The following WDFY4 variants were observed in gnomAD, a reference collection of about 807,000 sequenced individuals.
The protein encoded by WDFY4 is WD repeat- and FYVE domain-containing protein 4.
WDFY4 carries 169 observed loss-of-function variants against 351.9 expected under a neutral mutation model. That is an observed-to-expected ratio of 0.48 (90% CI 0.42 to 0.55). WDFY4 has a LOEUF of 0.55. Ranked by LOEUF, WDFY4 falls within the 20% of genes least tolerant of loss-of-function variation. The pLI, the probability that WDFY4 is intolerant of heterozygous loss-of-function variation, is 0.00. For synonymous variants in WDFY4, 1,622 were observed against 1,574.6 expected, an observed-to-expected ratio of 1.03 and a Z score of -0.71; for missense variants, 3,803 against 3,935.6, an observed-to-expected ratio of 0.97 and a Z score of 0.90.
chr10:48,787,887 T>TCTTCTC (rs1284006010), intron 20 of WDFY4, among the ~76,000 whole-genome samples: 2 of 78,734 alleles, frequency 2.5e-5, no homozygotes, highest in Non-Finnish European at 4.5e-5. Flanking sequence ...TCTTTCTTCT[T>TCTTCTC]CTTCTCCTTC....
At chr10:48,763,920 G>T (rs988205397) in intron 13 of WDFY4, among the ~76,000 whole-genome samples, 13 of 152,208 alleles carry the variant, frequency 8.5e-5, no homozygotes, top group African/African-American at 3.1e-4. Flanking sequence ...AATCAAATGA[G>T]AAATGAGACC....
chr10:48,772,978 G>C (rs2065917633), intron 13 of WDFY4, among the ~76,000 whole-genome samples: 1 of 151,584 alleles, frequency 6.6e-6, no homozygotes, highest in Non-Finnish European at 1.5e-5. Flanking sequence ...CCAAGTCTTT[G>C]CTATTGTGAA....
At chr10:48,733,190 T>A (rs2064527368) in intron 9 of WDFY4, among the ~76,000 whole-genome samples, 1 of 152,194 alleles carries the variant, frequency 6.6e-6, no homozygotes, top group Non-Finnish European at 1.5e-5. Flanking sequence ...CTAGGAGAAA[T>A]TAAACTTTTT....
chr10:48,914,874 TG>T (rs1204443550), intron 47 of WDFY4, among the ~76,000 whole-genome samples: 3 of 152,096 alleles, frequency 2.0e-5, no homozygotes, highest in African/African-American at 7.2e-5. Flanking sequence ...CACAGGGGGA[TG>T]GGGGGTGCGG....
intron 12 of WDFY4, among the ~76,000 whole-genome samples, chr10:48,759,372 C>T (rs530852453): frequency 2.6e-5 from 4 of 152,278 alleles, no homozygotes; most frequent in South Asian, 2.1e-4. Context: ...CTAGAATTGG[C>T]GCTTTTGTTT....
In WDFY4 at chr10:48,734,523, C is replaced by CATATATAT. The variant is rs10653287; in HGVS notation, c.1687+502_1687+509dup. On this transcript the variant is annotated intron_variant, in intron 10 of 61. Transcript: ENST00000325239. ...TTCTGGGTTTTAAAAATAATATGTG[C>CATATATAT]ATATATATATATATATATATAATGA... 6.9e-3 allele frequency among the ~76,000 whole-genome samples: 1,003 copies of CATATATAT among 144,976 alleles called. 11 individuals carry two copies. Among genetic ancestry groups the CATATATAT allele is most frequent in the African/African-American group, 0.02 (787 of 39,384 alleles).
Position 48,776,808 on chromosome 10 carries a change from G to T in WDFY4, c.2922G>T (p.Gly974=). 2 of 1,551,500 alleles carry T rather than the reference G, an allele frequency of 1.3e-6. No individual in the cohort carries two copies. Among genetic ancestry groups the T allele is most frequent in the Non-Finnish European group, 1.7e-6 (2 of 1,147,014 alleles). Residue 974 remains glycine (G), a synonymous_variant, in exon 16 of 62, where the codon GGG becomes GGT. Coordinates refer to ENST00000325239, the MANE Select transcript of WDFY4 (RefSeq NM_001394531.1). ...EGPWPAAPDA[G]LHPGVTQAPQ... ...CCTGGCCAGCTGCCCCAGATGCTGG[G>T]CTGCACCCTGGAGTCACACAGGCCC...
chr10:48,927,222 C>A (rs928878303), intron 47 of WDFY4, among the ~76,000 whole-genome samples: 1 of 152,150 alleles, frequency 6.6e-6, no homozygotes, highest in African/African-American at 2.4e-5. Context: ...GATGCCTCCC[C>A]CGAACCCTCC....
intron 1 of WDFY4, among the ~76,000 whole-genome samples, chr10:48,704,460 T>C (rs1184321723): frequency 6.6e-6 from 1 of 151,894 alleles, no homozygotes; most frequent in East Asian, 1.9e-4. Context: ...GTCTTGTCTT[T>C]TCCTGGAGGC....
chr10:48,789,820 A>T, intron 21 of WDFY4, 54 bp from the exon 22 acceptor site: 1 of 1,529,570 alleles, frequency 6.5e-7, no homozygotes, highest in Non-Finnish European at 8.9e-7. Flanking sequence ...CTCGTGGACA[A>T]TGCTTCTTCT....
At chr10:48,700,993 C>A (rs560588743) in intron 1 of WDFY4, among the ~76,000 whole-genome samples, 1 of 152,216 alleles carries the variant, frequency 6.6e-6, no homozygotes, top group Admixed American at 6.5e-5. Context: ...AGTATATTCA[C>A]GTTGTTGTAC....
intron 1 of WDFY4, among the ~76,000 whole-genome samples, chr10:48,701,878 G>A (rs927806154): frequency 6.6e-6 from 1 of 152,114 alleles, no homozygotes; most frequent in African/African-American, 2.4e-5. Context: ...GAGCTCTCAG[G>A]GAGGGAAGTC....
In WDFY4 at chr10:48,774,577, C is replaced by T; in HGVS notation, c.2673C>T (p.His891=). 1.3e-6 allele frequency: 2 copies of T among 1,551,628 alleles called. No homozygotes were observed. Among genetic ancestry groups the T allele is most frequent in the South Asian group, 1.2e-5 (1 of 84,038 alleles). Residue 891 remains histidine (H), a synonymous_variant, in exon 14 of 62, where the codon CAC becomes CAT. Transcript: ENST00000325239. ...TTGGGACCCTCATGGCCTCCTGCCACAGGGCCCTGGTCACCAGTGGCAGCC... is the reference window on the plus strand; with the variant it reads ...TTGGGACCCTCATGGCCTCCTGCCATAGGGCCCTGGTCACCAGTGGCAGCC... ...GLLGTLMASC[H]RALVTSGSPL...
chr10:48,885,509 G>A (rs1010429965), intron 43 of WDFY4, among the ~76,000 whole-genome samples: 2 of 152,146 alleles, frequency 1.3e-5, no homozygotes, highest in Non-Finnish European at 2.9e-5. Context: ...TCTTCTCCAT[G>A]TCTGCAGAGA....
chr10:48,959,894 G>A, intron 53 of WDFY4, 81 bp downstream of exon 53: 5 of 1,323,070 alleles, frequency 3.8e-6, no homozygotes, highest in Middle Eastern at 2.5e-4. Flanking sequence ...CTGTCCAAGT[G>A]GAGGGCCAGT....
intron 12 of WDFY4, among the ~76,000 whole-genome samples, chr10:48,758,416 G>C (rs917395512): frequency 6.6e-6 from 1 of 151,960 alleles, no homozygotes; most frequent in Admixed American, 6.6e-5. Flanking sequence ...ATTTTATTTG[G>C]GTTTTGCTAA....
chr10:48,959,809 G>T lies in WDFY4; in HGVS notation c.8219G>T (p.Arg2740Ile), dbSNP rs762366232. 1.9e-6 allele frequency: 3 copies of T among 1,549,588 alleles called. No homozygotes were observed. Among genetic ancestry groups the T allele is most frequent in the Non-Finnish European group, 2.6e-6 (3 of 1,145,706 alleles). The change falls in exon 53 of 62, where the codon AGA becomes ATA. Residue 2740 changes from arginine to isoleucine, a missense_variant. Transcript: ENST00000325239. ...CCTCGGAAATTCATCAGCCTGCACA[G>T]AAAGGTGAGTCAGGCCAGGACCCCT... Reference protein sequence around the residue: ...GDPRKFISLHRKALESDFVSA... With the variant: ...GDPRKFISLHIKALESDFVSA...
At position 48,796,359 on chromosome 10, in the gene WDFY4, T is replaced by C; in HGVS notation, c.4319T>C (p.Ile1440Thr). 6.4e-7 allele frequency: 1 copy of C among 1,552,362 alleles called. No individual in the cohort carries two copies. Among genetic ancestry groups the C allele is most frequent in the Non-Finnish European group, 8.7e-7 (1 of 1,147,122 alleles). The change falls in exon 24 of 62, where the codon ATC (isoleucine) becomes ACC (threonine). Residue 1440 changes from isoleucine to threonine, a missense_variant. Physicochemically the swap from Ile to Thr is moderately conservative, Grantham distance 89. Around this residue, in one of 3 missense-constraint regions of WDFY4, gnomAD observed 3,054 missense variants for 3,148.6 expected, o/e 0.97. Coordinates refer to ENST00000325239, the MANE Select transcript of WDFY4 (RefSeq NM_001394531.1). Reference sequence around the variant, plus strand: ...CTGAACCATCGAATTTTTCAGCTGATCCTCTCAGTGGCTGGCACTGTGGAG... The same window carrying C: ...CTGAACCATCGAATTTTTCAGCTGACCCTCTCAGTGGCTGGCACTGTGGAG... The part of the protein sequence containing the change: ...SLLNHRIFQL[I>T]LSVAGTVELG...
chr10:48,870,032 C>T (rs2069704434), intron 40 of WDFY4, among the ~76,000 whole-genome samples: 1 of 152,204 alleles, frequency 6.6e-6, no homozygotes. Flanking sequence ...TCTGTGTGGG[C>T]TCCTGAGGGT....
Sources: gnomAD v4.1 joint callset for allele counts (sites outside exome capture counted in the v4.1 genomes callset) on GRCh38, gnomAD v4.1.1 for gene constraint, gnomAD v4.1.1 regional missense constraint, MANE v1.5 for transcripts, NCBI Gene and HGNC (gene_info 2026-07-23, HGNC 2026-07-21) for gene names.